Variants in NRXN1 observed in about 807,000 individuals in gnomAD.
The protein encoded by NRXN1 is neurexin-1.
NRXN1 carries 39 observed loss-of-function variants against 150.9 expected under a neutral mutation model. The observed-to-expected ratio is 0.26, with a 90% CI of 0.20 to 0.34. NRXN1 has a LOEUF of 0.34. Among genes scored for constraint, NRXN1 ranks in the 10% least tolerant of loss-of-function variants. NRXN1 has a pLI of 1.00. For missense variants in NRXN1, 1,815 were observed against 1,949.9 expected, an observed-to-expected ratio of 0.93 and a Z score of 1.30; for synonymous variants, 924 against 757.0, an observed-to-expected ratio of 1.22 and a Z score of -3.62.
intron 5 of NRXN1, among the ~76,000 whole-genome samples, chr2:50,818,111 T>G (rs76766702): frequency 0.22 from 10,567 of 48,772 alleles, 531 homozygotes; most frequent in Middle Eastern, 0.33. Flanking sequence ...AAAGACTCCA[T>G]AGCAAAAAAA....
In NRXN1 at chr2:50,115,217, GTATATATATA is replaced by G. The variant is rs35673922; in HGVS notation, c.3547-23733_3547-23724del. Among the ~76,000 whole-genome samples, 532 of 134,924 alleles carry G rather than the reference GTATATATATA, an allele frequency of 3.9e-3. 4 individuals are homozygous for G. The highest frequency in any genetic ancestry group is 0.014 in the African/African-American group (521 of 36,468). 88.5% of individuals were successfully genotyped at this position (134,924 alleles called of 152,430 possible). On this transcript the variant is annotated intron_variant, in intron 18 of 22. Coordinates refer to ENST00000401669, the MANE Select transcript of NRXN1 (RefSeq NM_001330078.2). ...ACAAAAAAACATATATATGTTATGT[GTATATATATA>G]TATATATATATATACACACACACAC...
intron 17 of NRXN1, among the ~76,000 whole-genome samples, chr2:50,320,042 C>T (rs909051363): frequency 6.6e-6 from 1 of 151,434 alleles, no homozygotes; most frequent in African/African-American, 2.4e-5. Flanking sequence ...CTAACATTTC[C>T]CTAACTATGC....
intron 9 of NRXN1, among the ~76,000 whole-genome samples, chr2:50,549,165 C>T (rs939272463): frequency 3.3e-5 from 5 of 152,126 alleles, no homozygotes; most frequent in African/African-American, 1.2e-4. Flanking sequence ...CTGAATCTTA[C>T]TGTTTCACCA....
chr2:50,275,085 T>G (rs1489138531), intron 17 of NRXN1, among the ~76,000 whole-genome samples: 1 of 152,158 alleles, frequency 6.6e-6, no homozygotes, highest in African/African-American at 2.4e-5. Flanking sequence ...ATCACTCCAT[T>G]TGTTCTGCTC....
At chr2:50,056,089 T>G (rs1693560769) in intron 19 of NRXN1, among the ~76,000 whole-genome samples, 1 of 152,160 alleles carries the variant, frequency 6.6e-6, no homozygotes, top group Non-Finnish European at 1.5e-5. Flanking sequence ...CCATTAGAGT[T>G]AACTAACATG....
chr2:50,942,610 C>T (rs2104502056), intron 2 of NRXN1, among the ~76,000 whole-genome samples: 1 of 152,300 alleles, frequency 6.6e-6, no homozygotes, highest in East Asian at 1.9e-4. Flanking sequence ...AATAACTGCC[C>T]TGTTTGGTTT....
chr2:50,364,153 TG>T (rs1413446824), intron 17 of NRXN1, among the ~76,000 whole-genome samples: 1 of 152,144 alleles, frequency 6.6e-6, no homozygotes, highest in African/African-American at 2.4e-5. Flanking sequence ...GACAGGTTGA[TG>T]GGTGCAGCAA....
At chr2:50,745,325 C>T (rs989324654) in intron 5 of NRXN1, among the ~76,000 whole-genome samples, 1 of 142,884 alleles carries the variant, frequency 7.0e-6, no homozygotes, top group Non-Finnish European at 1.5e-5. Context: ...GAAAAAAAAC[C>T]ACTTTAACTT....
At chr2:50,775,601 C>T (rs560521234) in intron 5 of NRXN1, among the ~76,000 whole-genome samples, 12 of 152,138 alleles carry the variant, frequency 7.9e-5, no homozygotes, top group African/African-American at 2.9e-4. Context: ...CTTATTGGGC[C>T]TTTAAAGACA....
rs763508293 is a variant in NRXN1 at position 50,495,896 on chromosome 2, T to G, written c.3070+9A>C. The G allele has an allele frequency of 6.3e-7, 1 of 1,582,178 alleles. No homozygotes were observed. The highest frequency in any genetic ancestry group is 1.7e-4 in the Middle Eastern group (1 of 5,844). On this transcript the variant is annotated intron_variant, in intron 15 of 22. Transcript: ENST00000401669. Reference sequence around the variant, plus strand: ...CAAGGCTCGTTGCTCTGACTTAACATGCACTTACTCTTGAGGTCTAAGTTC... The same window carrying G: ...CAAGGCTCGTTGCTCTGACTTAACAGGCACTTACTCTTGAGGTCTAAGTTC...
chr2:50,307,658 C>T (rs2074754805), intron 17 of NRXN1, among the ~76,000 whole-genome samples: 1 of 152,104 alleles, frequency 6.6e-6, no homozygotes, highest in South Asian at 2.1e-4. Context: ...ACACTGAAGC[C>T]TTGTCTATGT....
At chr2:50,130,262 A>C (rs1705274751) in intron 18 of NRXN1, among the ~76,000 whole-genome samples, 1 of 151,974 alleles carries the variant, frequency 6.6e-6, no homozygotes. Context: ...AATTTCCCTC[A>C]ATTCTCTTGA....
chr2:50,936,067 A>G lies in NRXN1; in HGVS notation c.773-10112T>C, dbSNP rs567271875. ...AATGCATTTATACCTCAATTTCCTA[A>G]TGAATAACATTTAATCTAACATTTA... On this transcript the variant is annotated intron_variant, in intron 2 of 22. Transcript: ENST00000401669. 8.5e-5 allele frequency among the ~76,000 whole-genome samples: 13 copies of G among 152,272 alleles called. No individual in the cohort carries two copies. The South Asian group carries it at 2.5e-3, about 29-fold the overall frequency.
At chr2:50,763,764 G>T (rs973559854) in intron 5 of NRXN1, among the ~76,000 whole-genome samples, 1 of 151,890 alleles carries the variant, frequency 6.6e-6, no homozygotes, top group Non-Finnish European at 1.5e-5. Context: ...CTCCCATACA[G>T]AGTAATGAAA....
chr2:50,041,909 T>C (rs531620232), intron 21 of NRXN1, among the ~76,000 whole-genome samples: 1 of 152,284 alleles, frequency 6.6e-6, no homozygotes, highest in Admixed American at 6.5e-5. Context: ...TGTAACCTGG[T>C]AGGCAAAATT....
chr2:50,665,177 T>C (rs1334918788), intron 5 of NRXN1, among the ~76,000 whole-genome samples: 1 of 151,978 alleles, frequency 6.6e-6, no homozygotes, highest in East Asian at 1.9e-4. Context: ...CTAATTATTA[T>C]GCTAATTCCA....
chr2:50,977,676 T>G (rs2104845570), intron 2 of NRXN1, among the ~76,000 whole-genome samples: 1 of 152,060 alleles, frequency 6.6e-6, no homozygotes, highest in South Asian at 2.1e-4. Context: ...TTCTAGACTC[T>G]AAGTCAGAGT....
intron 2 of NRXN1, among the ~76,000 whole-genome samples, chr2:51,025,453 A>G (rs1380100718): frequency 6.6e-6 from 1 of 152,180 alleles, no homozygotes; most frequent in Non-Finnish European, 1.5e-5. Context: ...GAATCCCTAC[A>G]TTAAAAATGC....
intron 17 of NRXN1, among the ~76,000 whole-genome samples, chr2:50,390,428 GAGC>G (rs2081610962): frequency 6.6e-6 from 1 of 152,084 alleles, no homozygotes; most frequent in Non-Finnish European, 1.5e-5. Flanking sequence ...TTATTCCTGA[GAGC>G]AACTAATTTA....
Sources: gnomAD v4.1 joint callset for allele counts (sites outside exome capture counted in the v4.1 genomes callset) on GRCh38, gnomAD v4.1.1 for gene constraint, MANE v1.5 for transcripts, NCBI Gene and HGNC (gene_info 2026-07-23, HGNC 2026-07-21) for gene names.